ANK2: variants seen among roughly 807,000 people sequenced by gnomAD.
ANK2 encodes the protein ankyrin-2.
In ANK2, 83 loss-of-function variants were observed where a neutral mutation model predicts 360.5. The observed-to-expected ratio is 0.23, with a 90% CI of 0.19 to 0.28. ANK2 has a LOEUF of 0.28. Among genes scored for constraint, ANK2 ranks in the 10% least tolerant of loss-of-function variants. The pLI is 1.00. For synonymous variants in ANK2, 1,740 were observed against 1,759.5 expected (o/e 0.99, Z 0.28); for missense variants, 4,201 against 4,795.7 (o/e 0.88, Z 3.66).
At chr4:113,281,472 G>A (rs1287322418) in intron 17 of ANK2, among the ~76,000 whole-genome samples, 1 of 152,014 alleles carries the variant, frequency 6.6e-6, no homozygotes, top group Non-Finnish European at 1.5e-5. Flanking sequence ...CCCAGGAGGT[G>A]GAGGTTGCAG....
the ANK2 span, among the ~76,000 whole-genome samples, chr4:112,744,301 C>G: frequency 6.6e-6 from 1 of 151,346 alleles, no homozygotes; most frequent in Non-Finnish European, 1.5e-5. Flanking sequence ...GGGAGATTTC[C>G]ATTGTTTCCA....
chr4:112,901,080 C>CT (rs1408100781), intron 1 of ANK2, among the ~76,000 whole-genome samples: 2 of 152,228 alleles, frequency 1.3e-5, no homozygotes, highest in African/African-American at 4.8e-5. Flanking sequence ...TTATTATTAA[C>CT]TTTTTTGGTT....
At chr4:112,742,531 A>C in the ANK2 span, among the ~76,000 whole-genome samples, 1 of 152,108 alleles carries the variant, frequency 6.6e-6, no homozygotes, top group Non-Finnish European at 1.5e-5. Context: ...GAGTTTGAGC[A>C]TTATATTTTA....
upstream of ANK2, among the ~76,000 whole-genome samples, chr4:113,048,920 ACACAC>A (rs2065736845): frequency 1.5e-3 from 1 of 682 alleles, no homozygotes; most frequent in Non-Finnish European, 3.1e-3. Flanking sequence ...CTACCCAGAC[ACACAC>A]ACACACACAC....
chr4:112,770,150 C>G, the ANK2 span, among the ~76,000 whole-genome samples: 2 of 151,352 alleles, frequency 1.3e-5, no homozygotes, highest in African/African-American at 4.8e-5. Context: ...GGGTTCTCTT[C>G]TCTCCCCTTA....
At chr4:113,139,023 G>C (rs1440194754) in intron 1 of ANK2, among the ~76,000 whole-genome samples, 1 of 152,158 alleles carries the variant, frequency 6.6e-6, no homozygotes, top group African/African-American at 2.4e-5. Flanking sequence ...TATTTGGGGA[G>C]GTTGATTATA....
intron 24 of ANK2, among the ~76,000 whole-genome samples, chr4:113,315,560 C>T (rs2082281514): frequency 6.6e-6 from 1 of 152,150 alleles, no homozygotes; most frequent in Non-Finnish European, 1.5e-5. Context: ...ATTTTCCCTT[C>T]CTTAGCCAAA....
chr4:113,094,518 G>A (rs777497832), intron 1 of ANK2, among the ~76,000 whole-genome samples: 30 of 90,348 alleles, frequency 3.3e-4, no homozygotes, highest in African/African-American at 5.9e-4. Flanking sequence ...GGTGCAGCAC[G>A]TGTGTGTGTG....
chr4:112,752,467 A>AG, the ANK2 span, among the ~76,000 whole-genome samples: 1 of 152,004 alleles, frequency 6.6e-6, no homozygotes, highest in Non-Finnish European at 1.5e-5. Flanking sequence ...GCTGGAGTGC[A>AG]ACAGCAGAAT....
At chr4:112,936,062 T>C (rs966763818) in intron 2 of ANK2, among the ~76,000 whole-genome samples, 29 of 152,230 alleles carry the variant, frequency 1.9e-4, no homozygotes, top group African/African-American at 7.0e-4. Flanking sequence ...AGTTAATCTG[T>C]CACTAGCTCA....
intron 2 of ANK2, among the ~76,000 whole-genome samples, chr4:113,013,909 T>A (rs1205118720): frequency 3.3e-5 from 1 of 29,930 alleles, no homozygotes; most frequent in African/African-American, 6.1e-5. Flanking sequence ...AAAATCAGCA[T>A]TTTTTTTTTC....
At chr4:112,824,508 AT>A (rs35575987) in intron 1 of ANK2, among the ~76,000 whole-genome samples, 93,534 of 141,974 alleles carry the variant, frequency 0.66, 30,528 homozygotes, top group East Asian at 0.97. Flanking sequence ...CACCTTTAGC[AT>A]TTTTTTTTTT....
At chr4:112,930,287 A>T (rs1184456337) in intron 2 of ANK2, among the ~76,000 whole-genome samples, 1 of 151,934 alleles carries the variant, frequency 6.6e-6, no homozygotes, top group Non-Finnish European at 1.5e-5. Flanking sequence ...TCTAAAAAAA[A>T]TACAAAAATT....
the ANK2 span, among the ~76,000 whole-genome samples, chr4:112,754,194 G>C: frequency 1.4e-5 from 2 of 143,078 alleles, no homozygotes; most frequent in Non-Finnish European, 3.0e-5. Context: ...TTGTTCACAG[G>C]TTCTCTCTTC....
intron 1 of ANK2, among the ~76,000 whole-genome samples, chr4:113,124,984 A>C (rs909939447): frequency 6.6e-6 from 1 of 152,250 alleles, no homozygotes; most frequent in African/African-American, 2.4e-5. Flanking sequence ...AAAATCAGAG[A>C]TATGACAATC....
At chr4:113,286,633 G>A (rs2064748877) in intron 18 of ANK2, among the ~76,000 whole-genome samples, 1 of 152,202 alleles carries the variant, frequency 6.6e-6, no homozygotes, top group Non-Finnish European at 1.5e-5. Flanking sequence ...GATGTGAACT[G>A]GGGAAGAGGT....
chr4:112,818,736 G>A (rs908643565), intron 1 of ANK2, among the ~76,000 whole-genome samples: 3 of 152,272 alleles, frequency 2.0e-5, no homozygotes, highest in East Asian at 3.9e-4. Flanking sequence ...GAGAGAAAGC[G>A]GGGGTGAACC....
chr4:113,169,029 C>T (rs1000610295), intron 1 of ANK2, among the ~76,000 whole-genome samples: 2 of 152,042 alleles, frequency 1.3e-5, no homozygotes, highest in Non-Finnish European at 2.9e-5. Context: ...CACAGTAACG[C>T]CAGGAATCTT....
At chr4:113,144,627 T>G (rs1422640033) in intron 1 of ANK2, among the ~76,000 whole-genome samples, 1 of 151,216 alleles carries the variant, frequency 6.6e-6, no homozygotes, top group Non-Finnish European at 1.5e-5. Context: ...AATCTAAGTC[T>G]GGACCCTGCA....
Sources: allele counts gnomAD v4.1 joint callset (sites outside exome capture counted in the v4.1 genomes callset), GRCh38; gene constraint gnomAD v4.1.1; transcripts MANE v1.5; gene names NCBI Gene and HGNC (gene_info 2026-07-23, HGNC 2026-07-21).